The following RAD23A variants were observed in gnomAD, a reference collection of about 807,000 sequenced individuals.
RAD23A encodes RAD23 nucleotide excision repair protein A.
RAD23A carries 16 observed loss-of-function variants against 44.8 expected under a neutral mutation model. The observed-to-expected ratio is 0.36, with a 90% confidence interval of 0.24 to 0.54. RAD23A has a LOEUF of 0.54. Among genes scored for constraint, RAD23A ranks in the 20% least tolerant of loss-of-function variants. RAD23A has a pLI of 0.89. For synonymous variants in RAD23A, 217 were observed against 202.9 expected, an observed-to-expected ratio of 1.07 and a Z score of -0.59; for missense variants, 380 against 483.3, an observed-to-expected ratio of 0.79 and a Z score of 2.00.
At position 12,948,383 on chromosome 19, in the gene RAD23A, C is replaced by T. The variant is rs758120720; in HGVS notation, c.416+25C>T. 5 of 1,558,958 alleles carry T rather than the reference C, an allele frequency of 3.2e-6. No individual in the cohort carries two copies. The South Asian group carries it at 3.6e-5, about 11-fold the overall frequency. On this transcript the variant is annotated intron_variant, in intron 3 of 8. Coordinates refer to ENST00000586534, the MANE Select transcript of RAD23A (RefSeq NM_005053.4). This position sits in a 1 kb window ranked among gnomAD's most constrained non-coding sequence, Gnocchi z 5.5. The stretch of plus-strand genomic sequence containing the variant: ...GGTAAGGCGGGGGCAGCAGTCCCAG[C>T]TTGGGCCCTGTCCTCCTAGCACATT...
Position 12,948,667 on chromosome 19 carries a change from T to G in RAD23A, c.473-19T>G. ...CTTTCCTCTTCCTGGTGACCTAGGC[T>G]TTGCTGCTTCCTCCACAGTGACGGG... On this transcript the variant is annotated intron_variant, in intron 4 of 8. Coordinates refer to ENST00000586534, the MANE Select transcript of RAD23A (RefSeq NM_005053.4). The surrounding 1 kb of genome is among the most constrained non-coding windows in gnomAD (Gnocchi z 5.5). 1.2e-6 allele frequency: 2 copies of G among 1,607,384 alleles called. No homozygotes were observed. The highest frequency in any genetic ancestry group is 1.7e-6 in the Non-Finnish European group (2 of 1,177,440).
intron 7 of RAD23A, among the ~76,000 whole-genome samples, chr19:12,950,636 A>C (rs2974753): frequency 1.8e-4 from 27 of 151,940 alleles, no homozygotes; most frequent in African/African-American, 4.8e-4. Context: ...CTCCTGACCT[A>C]ATGATCTGCC....
rs146958349 is a variant in RAD23A, at chr19:12,947,949, T to G, written c.174T>G (p.Asp58Glu). 1.4e-4 allele frequency: 218 copies of G among 1,613,930 alleles called. No individual in the cohort carries two copies. The highest frequency in any genetic ancestry group is 1.7e-4 in the Non-Finnish European group (202 of 1,180,014). ...ATGCCGGCAAGATCTTGAGTGACGA[T>G]GTCCCTATCAGGGACTATCGCATCG... ...LIYAGKILSDDVPIRDYRIDE... is the reference protein window; with the variant it reads ...LIYAGKILSDEVPIRDYRIDE... The change falls in exon 2 of 9, where the codon GAT becomes GAG. Residue 58 changes from aspartate (D) to glutamate (E), a missense_variant. Asp to Glu is a conservative substitution (Grantham distance 45). Around this residue, in one of 3 missense-constraint regions of RAD23A, gnomAD observed 70 missense variants for 106.0 expected, o/e 0.66. Coordinates refer to ENST00000586534, the MANE Select transcript of RAD23A (RefSeq NM_005053.4).
Position 12,948,649 on chromosome 19 carries a change from C to T in RAD23A, c.473-37C>T, listed in dbSNP as rs1291381865. 14 of 1,598,216 alleles carry T rather than the reference C, an allele frequency of 8.8e-6. No homozygotes were observed. The highest frequency in any genetic ancestry group is 1.3e-5 in the African/African-American group (1 of 74,402). Reference sequence around the variant, plus strand: ...GAGGGCCTGGGAGCTGCCCTTTCCTCTTCCTGGTGACCTAGGCTTTGCTGC... The same window carrying T: ...GAGGGCCTGGGAGCTGCCCTTTCCTTTTCCTGGTGACCTAGGCTTTGCTGC... On this transcript the variant is annotated intron_variant, in intron 4 of 8. Coordinates refer to ENST00000586534, the MANE Select transcript of RAD23A (RefSeq NM_005053.4). The surrounding 1 kb of genome is among the most constrained non-coding windows in gnomAD (Gnocchi z 5.5).
In RAD23A at chr19:12,953,322, T is replaced by C. The variant is rs1223667571; in HGVS notation, c.*273T>C. Reference sequence around the variant, plus strand: ...TGGGAGGCGACAGATGGGCCCCTCTTGGCCTCTGTCCCAGCTCTCTGCAGC... The same window carrying C: ...TGGGAGGCGACAGATGGGCCCCTCTCGGCCTCTGTCCCAGCTCTCTGCAGC... On this transcript the variant is annotated 3_prime_UTR_variant, in exon 9 of 9. Transcript: ENST00000586534. 1 of 280,292 alleles carries C rather than the reference T, an allele frequency of 3.6e-6. No homozygotes were observed. The highest frequency in any genetic ancestry group is 2.2e-5 in the African/African-American group (1 of 45,322). The allele number at this position is 280,292 out of a possible 1,614,324, so 17.4% of individuals were successfully genotyped here.
At position 12,948,966 on chromosome 19, in the gene RAD23A, G is replaced by C; in HGVS notation, c.601-115G>C. The C allele has an allele frequency of 2.6e-6, 4 of 1,522,500 alleles. No individual in the cohort carries two copies. Among genetic ancestry groups the C allele is most frequent in the Non-Finnish European group, 3.6e-6 (4 of 1,113,976 alleles). 94.3% of individuals were successfully genotyped at this position (1,522,500 alleles called of 1,614,324 possible). ...GCTTCCCACAGGAGGCTGGATGTGA[G>C]TGATGGGTGGGCCTCTGGAGGGCAG... On this transcript the variant is annotated intron_variant, in intron 5 of 8. Transcript: ENST00000586534. This position sits in a 1 kb window ranked among gnomAD's most constrained non-coding sequence, Gnocchi z 5.5.
In RAD23A at chr19:12,948,602, G is replaced by A; in HGVS notation, c.472+50G>A. On this transcript the variant is annotated intron_variant, in intron 4 of 8. Coordinates refer to ENST00000586534, the MANE Select transcript of RAD23A (RefSeq NM_005053.4). The surrounding 1 kb of genome is among the most constrained non-coding windows in gnomAD (Gnocchi z 5.5). ...AGGTGACTGGGTGCCCCAGCCATCA[G>A]CTGGGCCTTGTCTGGGTGCGGGAGG... is the stretch of plus-strand genomic sequence containing the variant. 3 of 1,575,650 alleles carry A rather than the reference G, an allele frequency of 1.9e-6. No individual in the cohort carries two copies. Among genetic ancestry groups the A allele is most frequent in the Non-Finnish European group, 2.6e-6 (3 of 1,160,306 alleles).
chr19:12,950,547 G>A (rs1206121815), intron 7 of RAD23A, among the ~76,000 whole-genome samples: 1 of 151,954 alleles, frequency 6.6e-6, no homozygotes, highest in Admixed American at 6.6e-5. Flanking sequence ...GACTACAGGC[G>A]CCCGCCACCA....
Position 12,948,453 on chromosome 19 carries a change from G to C in RAD23A, c.417-44G>C, listed in dbSNP as rs1971722075. 2 of 1,550,862 alleles carry C rather than the reference G, an allele frequency of 1.3e-6. No homozygotes were observed. Among genetic ancestry groups the C allele is most frequent in the African/African-American group, 2.7e-5 (2 of 72,964 alleles). ...TCCCACACACCTGGAGGGAGGGCAA[G>C]CCGCCAGAAGCCAGGGTCCGATTTC... On this transcript the variant is annotated intron_variant, in intron 3 of 8. Coordinates refer to ENST00000586534, the MANE Select transcript of RAD23A (RefSeq NM_005053.4). This position sits in a 1 kb window ranked among gnomAD's most constrained non-coding sequence, Gnocchi z 5.5.
rs1041069360 is a variant in RAD23A, at chr19:12,946,039, C to G, written c.72+19C>G. 19 of 1,468,342 alleles carry G rather than the reference C, an allele frequency of 1.3e-5. No individual in the cohort carries two copies. Among genetic ancestry groups the G allele is most frequent in the Non-Finnish European group, 1.7e-5 (18 of 1,089,752 alleles). The allele number at this position is 1,468,342 out of a possible 1,614,324, so 91.0% of individuals were successfully genotyped here. ...CGAGACGGTGCGGGCCGGGCCGGAGCCCGGGGGCGGGAGCGACGGGTTTCG... is the reference window on the plus strand; with the variant it reads ...CGAGACGGTGCGGGCCGGGCCGGAGGCCGGGGGCGGGAGCGACGGGTTTCG... On this transcript the variant is annotated intron_variant, in intron 1 of 8. Coordinates refer to ENST00000586534, the MANE Select transcript of RAD23A (RefSeq NM_005053.4).
Position 12,948,395 on chromosome 19 carries a change from C to T in RAD23A, c.416+37C>T, listed in dbSNP as rs1445053188. 2 of 1,547,644 alleles carry T rather than the reference C, an allele frequency of 1.3e-6. No homozygotes were observed. Among genetic ancestry groups the T allele is most frequent in the Non-Finnish European group, 1.7e-6 (2 of 1,145,444 alleles). On this transcript the variant is annotated intron_variant, in intron 3 of 8. Coordinates refer to ENST00000586534, the MANE Select transcript of RAD23A (RefSeq NM_005053.4). This position sits in a 1 kb window ranked among gnomAD's most constrained non-coding sequence, Gnocchi z 5.5. Reference sequence around the variant, plus strand: ...GCAGCAGTCCCAGCTTGGGCCCTGTCCTCCTAGCACATTCCAGCGTCCACA... The same window carrying T: ...GCAGCAGTCCCAGCTTGGGCCCTGTTCTCCTAGCACATTCCAGCGTCCACA...
At position 12,952,765 on chromosome 19, in the gene RAD23A, T is replaced by C. The variant is rs761453504; in HGVS notation, c.890T>C (p.Val297Ala). 2 of 1,613,292 alleles carry C rather than the reference T, an allele frequency of 1.2e-6. No homozygotes were observed. Among genetic ancestry groups the C allele is most frequent in the South Asian group, 1.1e-5 (1 of 91,028 alleles). ...PPGELADISD[V>A]EGEVGAIGEE... The stretch of plus-strand genomic sequence containing the variant: ...GGGGAGCTGGCGGACATCTCAGATG[T>C]GGAGGGGGAGGTGGGCGCCATAGGA... Residue 297 changes from valine (V) to alanine (A), a missense_variant, in exon 8 of 9, where the codon GTG becomes GCG. Val to Ala is a moderately conservative substitution (Grantham distance 64). Transcript: ENST00000586534.
At position 12,945,932 on chromosome 19, in the gene RAD23A, G is replaced by A. The variant is rs1599665189; in HGVS notation, c.-17G>A. ...TGTGTGAGGATCCCGGGGCCGCCGC[G>A]TCGCTCGGGCCCCGCCATGGCCGTC... On this transcript the variant is annotated 5_prime_UTR_variant, in exon 1 of 9. Transcript: ENST00000586534. 1 of 1,606,808 alleles carries A rather than the reference G, an allele frequency of 6.2e-7. No individual in the cohort carries two copies. Among genetic ancestry groups the A allele is most frequent in the East Asian group, 2.3e-5 (1 of 44,184 alleles).
intron 7 of RAD23A, among the ~76,000 whole-genome samples, chr19:12,949,875 G>C (rs148651661): frequency 1.3e-4 from 20 of 152,036 alleles, no homozygotes; most frequent in South Asian, 2.1e-4. Flanking sequence ...CAGGAAGAGT[G>C]GGGGAGTGGC....
chr19:12,948,762 CCT>C lies in RAD23A; in HGVS notation c.550_551del (p.Leu184GlufsTer161). The C allele has an allele frequency of 6.2e-7, 1 of 1,613,462 alleles. No individual in the cohort carries two copies. The highest frequency in any genetic ancestry group is 2.2e-5 in the East Asian group (1 of 44,868). Reference protein sequence around the residue: ...GYERERVVAALRASYNNPHRA... With the variant: ...GYERERVVAAXRASYNNPHRA... ...ATGAGCGAGAGCGGGTCGTGGCCGCCCTGAGAGCCAGCTACAACAACCCCCAC... is the reference window on the plus strand; with the variant it reads ...ATGAGCGAGAGCGGGTCGTGGCCGCCGAGAGCCAGCTACAACAACCCCCAC... On this transcript the variant is annotated frameshift_variant, in exon 5 of 9. Transcript: ENST00000586534. LOFTEE classifies it high-confidence loss of function. The surrounding 1 kb of genome is among the most constrained non-coding windows in gnomAD (Gnocchi z 5.5).
At position 12,949,605 on chromosome 19, in the gene RAD23A, G is replaced by A. The variant is rs929560960; in HGVS notation, c.813+197G>A. Reference sequence around the variant, plus strand: ...CTTCCCAACCACCTTGTAAGGTGTGGGTGCTGTCAACATCACCTCCCACAG... The same window carrying A: ...CTTCCCAACCACCTTGTAAGGTGTGAGTGCTGTCAACATCACCTCCCACAG... On this transcript the variant is annotated intron_variant, in intron 7 of 8. Coordinates refer to ENST00000586534, the MANE Select transcript of RAD23A (RefSeq NM_005053.4). The A allele has an allele frequency of 6.1e-6, 4 of 658,344 alleles. No individual in the cohort carries two copies. In the South Asian group the frequency reaches 8.2e-5, roughly 14 times the overall value. The allele number at this position is 658,344 out of a possible 1,614,324, so 40.8% of individuals were successfully genotyped here.
At chr19:12,947,268 T>A (rs1331637317) in intron 1 of RAD23A, among the ~76,000 whole-genome samples, 5 of 151,944 alleles carry the variant, frequency 3.3e-5, no homozygotes, top group Admixed American at 6.6e-5. Context: ...CAAAAAAAAA[T>A]TATTTTTAAT....
rs1971748926 is a variant in RAD23A, at chr19:12,949,379, C to G, written c.784C>G (p.Leu262Val). 6.2e-7 allele frequency: 1 copy of G among 1,613,820 alleles called. No individual in the cohort carries two copies. The highest frequency in any genetic ancestry group is 2.2e-5 in the East Asian group (1 of 44,880). Residue 262 changes from leucine (L) to valine (V), a missense_variant, in exon 7 of 9, where the codon CTG (leucine) becomes GTG (valine). Transcript: ENST00000586534. ...GCTGCTGCCCGCCCTGCTCCAGCAG[C>G]TGGGCCAGGAGAACCCTCAGCTTTT... is the stretch of plus-strand genomic sequence containing the variant. ...PALLPALLQQ[L>V]GQENPQLLQQ...
At chr19:12,950,571 T>C (rs1185183881) in intron 7 of RAD23A, among the ~76,000 whole-genome samples, 1 of 152,028 alleles carries the variant, frequency 6.6e-6, no homozygotes, top group African/African-American at 2.4e-5. Flanking sequence ...CTGACTAATT[T>C]TTTGTATTTT....
Sources: gnomAD v4.1 joint callset for allele counts (sites outside exome capture counted in the v4.1 genomes callset) on GRCh38, gnomAD v4.1.1 for gene constraint, gnomAD v4.1.1 regional missense constraint, Gnocchi (gnomAD v3.1) non-coding constraint, MANE v1.5 for transcripts, NCBI Gene and HGNC (gene_info 2026-07-23, HGNC 2026-07-21) for gene names.